ZNF250: variants seen among roughly 807,000 people sequenced by gnomAD.
ZNF250 encodes the protein zinc finger protein 250, also known as zinc finger protein (clone 647).
In ZNF250, 13 loss-of-function variants were observed where a neutral mutation model predicts 37.1. That is an observed-to-expected ratio of 0.35 (90% CI 0.23 to 0.56). The LOEUF (loss-of-function observed/expected upper bound fraction) is 0.56, where lower values mean the gene tolerates loss of function less well. Among genes scored for constraint, ZNF250 ranks in the 20% least tolerant of loss-of-function variants. The pLI, the probability that ZNF250 is intolerant of heterozygous loss-of-function variation, is 0.87. For synonymous variants in ZNF250, 251 were observed against 265.6 expected, an observed-to-expected ratio of 0.94 and a Z score of 0.54; for missense variants, 474 against 697.9, an observed-to-expected ratio of 0.68 and a Z score of 3.61.
chr8:144,885,443 T>C (rs1831803327), intron 5 of ZNF250, among the ~76,000 whole-genome samples: 1 of 151,912 alleles, frequency 6.6e-6, no homozygotes, highest in Non-Finnish European at 1.5e-5. Flanking sequence ...ATTTTTAACA[T>C]ATCTCATTTT....
intron 4 of ZNF250, among the ~76,000 whole-genome samples, chr8:144,888,011 A>G (rs1832018938): frequency 6.6e-6 from 1 of 152,192 alleles, no homozygotes; most frequent in Admixed American, 6.5e-5. Context: ...GTGTTGCCCA[A>G]ACTGTCCCTA....
chr8:144,900,598 A>G (rs1833034219), intron 1 of ZNF250, among the ~76,000 whole-genome samples: 1 of 152,204 alleles, frequency 6.6e-6, no homozygotes, highest in African/African-American at 2.4e-5. Flanking sequence ...AACAAGGAAA[A>G]TATTTGCTGT....
Position 144,891,444 on chromosome 8 carries a change from G to A in ZNF250, c.-54-1041C>T, listed in dbSNP as rs976281779. Among the ~76,000 whole-genome samples, 16 of 152,122 alleles carry A rather than the reference G, an allele frequency of 1.1e-4. No individual in the cohort carries two copies. Among genetic ancestry groups the A allele is most frequent in the Non-Finnish European group, 2.1e-4 (14 of 68,034 alleles). ...TAAAACATCAGATATAGGTGGGCGC[G>A]GTGGCTCATACCTGTAATCTCAGCA... On this transcript the variant is annotated intron_variant, in intron 1 of 5. Coordinates refer to ENST00000417550, the MANE Select transcript of ZNF250 (RefSeq NM_001109689.4). The surrounding 1 kb of genome is among the most constrained non-coding windows in gnomAD (Gnocchi z 4.0).
chr8:144,896,186 C>T (rs534182840), intron 1 of ZNF250, among the ~76,000 whole-genome samples: 1 of 151,500 alleles, frequency 6.6e-6, no homozygotes, highest in South Asian at 2.1e-4. Flanking sequence ...ATAGTGAGAC[C>T]CCGTCTCTAT....
chr8:144,882,769 T>G lies in ZNF250; in HGVS notation c.414A>C (p.Thr138=), dbSNP rs767737256. The G allele has an allele frequency of 6.2e-7, 1 of 1,614,064 alleles. No individual in the cohort carries two copies. Among genetic ancestry groups the G allele is most frequent in the Non-Finnish European group, 8.5e-7 (1 of 1,179,884 alleles). The change falls in exon 6 of 6, where the codon ACA becomes ACC. Residue 138 remains threonine (T), a synonymous_variant. Coordinates refer to ENST00000417550, the MANE Select transcript of ZNF250 (RefSeq NM_001109689.4). This position sits in a 1 kb window ranked among gnomAD's most constrained non-coding sequence, Gnocchi z 5.5. The stretch of plus-strand genomic sequence containing the variant: ...CCAAGGGTGTTTTCCCCAGAATCAC[T>G]GTTTGCTCTGAAATTAATGGCTTCG... ...LSPKPLISEQ[T]VILGKTPLGR...
At position 144,880,368 on chromosome 8, in the gene ZNF250, G is replaced by T; in HGVS notation, c.*1147C>A. 2.2e-6 allele frequency: 1 copy of T among 455,256 alleles called. No individual in the cohort carries two copies. The highest frequency in any genetic ancestry group is 1.6e-5 in the South Asian group (1 of 64,478). 28.2% of individuals were successfully genotyped at this position (455,256 alleles called of 1,614,324 possible). A position where few individuals can be genotyped will look rare whatever the true frequency, so the allele number is the denominator to read the frequency against. On this transcript the variant is annotated 3_prime_UTR_variant, in exon 6 of 6. Transcript: ENST00000417550. ...TAAGATGTAAAGAGGTACCCACTTG[G>T]TGTAACAGCTATGAGGTCTGCTGAG...
intron 4 of ZNF250, among the ~76,000 whole-genome samples, chr8:144,888,393 T>TC (rs1396715758): frequency 6.6e-6 from 1 of 152,064 alleles, no homozygotes; most frequent in Non-Finnish European, 1.5e-5. Context: ...GGTCAGGAGT[T>TC]CGAGACTAGC....
chr8:144,881,840 C>T lies in ZNF250; in HGVS notation c.1343G>A (p.Cys448Tyr). Residue 448 changes from cysteine (C) to tyrosine (Y), a missense_variant, in exon 6 of 6, where the codon TGT (cysteine) becomes TAT (tyrosine). By Grantham distance (194) the Cys-to-Tyr change is radical. This residue lies in a region of ZNF250 where 282 missense variants were observed against 470.4 expected (regional missense o/e 0.60). Coordinates refer to ENST00000417550, the MANE Select transcript of ZNF250 (RefSeq NM_001109689.4). The part of the protein sequence containing the change: ...RVHTGEKPYV[C>Y]GECGHAFSAR... ...ACTGAAGGCGTGCCCACATTCACCACACACATAGGGCTTCTCCCCAGTGTG... is the reference window on the plus strand; with the variant it reads ...ACTGAAGGCGTGCCCACATTCACCATACACATAGGGCTTCTCCCCAGTGTG... The T allele has an allele frequency of 6.2e-7, 1 of 1,614,186 alleles. No homozygotes were observed. The highest frequency in any genetic ancestry group is 1.1e-5 in the South Asian group (1 of 91,082).
chr8:144,901,511 A>G (rs145367721), upstream of ZNF250: 1,436 of 151,964 alleles, frequency 9.4e-3, 23 homozygotes, highest in African/African-American at 0.032. The surrounding 1 kb of genome is among the most constrained non-coding windows in gnomAD (Gnocchi z 5.4). Flanking sequence ...CCTGCCCCTC[A>G]GTTCCCGCCC....
rs749647634 is a variant in ZNF250, at chr8:144,897,986, T to C, written c.-55+3413A>G. On this transcript the variant is annotated intron_variant, in intron 1 of 5. Coordinates refer to ENST00000417550, the MANE Select transcript of ZNF250 (RefSeq NM_001109689.4). This position sits in a 1 kb window ranked among gnomAD's most constrained non-coding sequence, Gnocchi z 5.2. Reference sequence around the variant, plus strand: ...CCACAACCTTCCAGCGTGGGCATTATGGCCATCATGAACATTTCACGGTGC... The same window carrying C: ...CCACAACCTTCCAGCGTGGGCATTACGGCCATCATGAACATTTCACGGTGC... Among the ~76,000 whole-genome samples, 53 of 152,330 alleles carry C rather than the reference T, an allele frequency of 3.5e-4. No homozygotes were observed. Among genetic ancestry groups the C allele is most frequent in the Non-Finnish European group, 4.3e-4 (29 of 68,024 alleles).
intron 5 of ZNF250, 68 bp downstream of exon 5, chr8:144,886,772 C>A: frequency 5.5e-6 from 8 of 1,462,326 alleles, no homozygotes; most frequent in Non-Finnish European, 7.6e-6. Context: ...CCTCTACATT[C>A]TTGTAAAACA....
At chr8:144,888,489 C>T (rs529455552) in intron 4 of ZNF250, among the ~76,000 whole-genome samples, 20 of 150,084 alleles carry the variant, frequency 1.3e-4, no homozygotes, top group East Asian at 8.0e-4. Context: ...CCCAGCTATT[C>T]GAGAAGCTGA....
chr8:144,898,569 C>T (rs886159279), intron 1 of ZNF250, among the ~76,000 whole-genome samples: 1 of 152,052 alleles, frequency 6.6e-6, no homozygotes, highest in Admixed American at 6.6e-5. Flanking sequence ...AGCACAGGAA[C>T]AAAAGCAAAC....
At chr8:144,887,172 C>T (rs1031890026) in intron 4 of ZNF250, among the ~76,000 whole-genome samples, 1 of 145,736 alleles carries the variant, frequency 6.9e-6, no homozygotes, top group Non-Finnish European at 1.5e-5. Flanking sequence ...ATCGCTTGAA[C>T]CCCGGAGACA....
Position 144,880,298 on chromosome 8 carries a change from C to A in ZNF250, c.*1217G>T. 2.8e-6 allele frequency: 1 copy of A among 352,660 alleles called. No homozygotes were observed. Among genetic ancestry groups the A allele is most frequent in the Non-Finnish European group, 5.9e-6 (1 of 168,904 alleles). The allele number at this position is 352,660 out of a possible 1,614,324, so 21.8% of individuals were successfully genotyped here. On this transcript the variant is annotated 3_prime_UTR_variant, in exon 6 of 6. Coordinates refer to ENST00000417550, the MANE Select transcript of ZNF250 (RefSeq NM_001109689.4). ...TGAGAAATGTATGTTTTAAATATAT[C>A]TACCAAAGAACAGTATTTTCAGCAT...
chr8:144,898,398 A>C (rs563246013), intron 1 of ZNF250, among the ~76,000 whole-genome samples: 2 of 152,354 alleles, frequency 1.3e-5, no homozygotes, highest in South Asian at 4.1e-4. Flanking sequence ...AGTAACACCT[A>C]ATCAGAAAAT....
chr8:144,883,235 G>T (rs1434296996), intron 5 of ZNF250, among the ~76,000 whole-genome samples: 1 of 152,198 alleles, frequency 6.6e-6, no homozygotes, highest in Non-Finnish European at 1.5e-5. Context: ...CAGGCAGGGA[G>T]AGGTGTGAGC....
rs1394973502 is a variant in ZNF250, at chr8:144,890,230, C to A, written c.42+78G>T. On this transcript the variant is annotated intron_variant, in intron 2 of 5. Transcript: ENST00000417550. This position sits in a 1 kb window ranked among gnomAD's most constrained non-coding sequence, Gnocchi z 5.1. Reference sequence around the variant, plus strand: ...GGCATGTGGTGACGCTCTGGCTGCTCTTAGGAGCTCTACGGGGCACGGAAG... The same window carrying A: ...GGCATGTGGTGACGCTCTGGCTGCTATTAGGAGCTCTACGGGGCACGGAAG... 1 of 1,511,540 alleles carries A rather than the reference C, an allele frequency of 6.6e-7. No homozygotes were observed. The highest frequency in any genetic ancestry group is 1.2e-5 in the South Asian group (1 of 83,314). The allele number at this position is 1,511,540 out of a possible 1,614,324, so 93.6% of individuals were successfully genotyped here.
At chr8:144,898,322 CAAACAAAACA>C (rs139656437) in intron 1 of ZNF250, among the ~76,000 whole-genome samples, 47 of 151,680 alleles carry the variant, frequency 3.1e-4, no homozygotes, top group East Asian at 5.8e-4. Context: ...AATAAACAAA[CAAACAAAACA>C]AAACAAAACA....
Sources: allele counts gnomAD v4.1 joint callset (sites outside exome capture counted in the v4.1 genomes callset), GRCh38; gene constraint gnomAD v4.1.1; regional missense constraint gnomAD v4.1.1; non-coding constraint Gnocchi (gnomAD v3.1); transcripts MANE v1.5; gene names NCBI Gene and HGNC (gene_info 2026-07-23, HGNC 2026-07-21).